The following RPLP1 variants were observed in gnomAD, a reference collection of about 807,000 sequenced individuals.
RPLP1 encodes the protein large ribosomal subunit protein P1.
In RPLP1, 4 loss-of-function variants were observed where a neutral mutation model predicts 11.6. That is an observed-to-expected ratio of 0.34 (90% CI 0.17 to 0.79). The LOEUF (loss-of-function observed/expected upper bound fraction) is 0.79, where lower values mean the gene tolerates loss of function less well. RPLP1 is among the 30% of genes least tolerant of loss of function. The pLI is 0.55. For synonymous variants in RPLP1, 54 were observed against 52.2 expected, an observed-to-expected ratio of 1.03 and a Z score of -0.15; for missense variants, 133 against 142.8, an observed-to-expected ratio of 0.93 and a Z score of 0.35.
Position 69,455,421 on chromosome 15 carries a change from T to G in RPLP1, c.266-7T>G. The G allele has an allele frequency of 1.2e-6, 2 of 1,605,090 alleles. No homozygotes were observed. The highest frequency in any genetic ancestry group is 2.2e-5 in the South Asian group (2 of 88,954). ...ATCCTAACACCTGATTGACTTTTTTTTTCTAGCTGAGGAGAAGAAAGTGGA... is the reference window on the plus strand; with the variant it reads ...ATCCTAACACCTGATTGACTTTTTTGTTCTAGCTGAGGAGAAGAAAGTGGA... On this transcript the variant is annotated splice_polypyrimidine_tract_variant and splice_region_variant and intron_variant, in intron 3 of 3. Coordinates refer to ENST00000260379, the MANE Select transcript of RPLP1 (RefSeq NM_001003.3).
chr15:69,455,699 A>T lies in RPLP1; in HGVS notation c.*192A>T. 1.7e-6 allele frequency: 1 copy of T among 589,190 alleles called. No individual in the cohort carries two copies. Among genetic ancestry groups the T allele is most frequent in the Non-Finnish European group, 3.0e-6 (1 of 334,318 alleles). 36.5% of individuals were successfully genotyped at this position (589,190 alleles called of 1,614,324 possible). ...GATTTAGACAATCCTGATGCTAACA[A>T]GAAGGCACCTCATGGTACAGTGTTG... On this transcript the variant is annotated 3_prime_UTR_variant, in exon 4 of 4. Transcript: ENST00000260379.
rs747215123 is a variant in RPLP1 at position 69,452,839 on chromosome 15, A to T, written c.-110A>T. 2.0e-6 allele frequency: 2 copies of T among 1,014,146 alleles called. No homozygotes were observed. Among genetic ancestry groups the T allele is most frequent in the South Asian group, 1.4e-5 (1 of 72,560 alleles). The allele number at this position is 1,014,146 out of a possible 1,614,324, so 62.8% of individuals were successfully genotyped here. On this transcript the variant is annotated 5_prime_UTR_variant, in exon 1 of 4. Coordinates refer to ENST00000260379, the MANE Select transcript of RPLP1 (RefSeq NM_001003.3). ...AGAGCCCCTTTCCTCAGCTGCCGCC[A>T]AGGTGCTCGGTCCTTCCGAGGAAGC...
chr15:69,453,270 C>T, intron 1 of RPLP1: 1 of 581,848 alleles, frequency 1.7e-6, no homozygotes. Context: ...GCTCCAAGAG[C>T]CTTCGTGTAG....
chr15:69,453,256 T>C (rs1892378928), intron 1 of RPLP1: 1 of 585,070 alleles, frequency 1.7e-6, no homozygotes, highest in South Asian at 2.0e-5. Flanking sequence ...GGCTGGGCGC[T>C]CCGGCTCCAA....
rs1438231757 is a variant in RPLP1 at position 69,455,278 on chromosome 15, G to C, written c.256G>C (p.Ala86Pro). ...PAGGPAPSTAAAPAEEKKVEA... is the reference protein window; with the variant it reads ...PAGGPAPSTAPAPAEEKKVEA... ...AGGAGGTCCTGCCCCCTCCACTGCT[G>C]CTGCTCCAGGTAGGAAACATGGAGT... The change falls in exon 3 of 4, where the codon GCT (alanine) becomes CCT (proline). Residue 86 changes from alanine (A) to proline (P), a missense_variant. Ala to Pro is a conservative substitution (Grantham distance 27). Transcript: ENST00000260379. The C allele has an allele frequency of 1.3e-6, 2 of 1,556,822 alleles. No individual in the cohort carries two copies. The highest frequency in any genetic ancestry group is 4.2e-5 in the Admixed American group (2 of 47,702).
chr15:69,453,039 C>T lies in RPLP1; in HGVS notation c.72+19C>T. 1 of 1,551,122 alleles carries T rather than the reference C, an allele frequency of 6.4e-7. No homozygotes were observed. The highest frequency in any genetic ancestry group is 8.7e-7 in the Non-Finnish European group (1 of 1,148,620). ...AGTCACGGTGAGTGCGGGCGCGGGC[C>T]GGCGGCCGGGCTGCCTGTGGGCGGT... is the stretch of plus-strand genomic sequence containing the variant. On this transcript the variant is annotated intron_variant, in intron 1 of 3. Coordinates refer to ENST00000260379, the MANE Select transcript of RPLP1 (RefSeq NM_001003.3).
At chr15:69,454,250 C>A in intron 2 of RPLP1, 1 of 153,140 alleles carries the variant, frequency 6.5e-6, no homozygotes, top group Non-Finnish European at 1.5e-5. Flanking sequence ...CCAGGATGGT[C>A]TCGATCTCCT....
intron 1 of RPLP1, chr15:69,453,388 G>A: frequency 1.7e-6 from 1 of 586,140 alleles, no homozygotes; most frequent in Non-Finnish European, 3.0e-6. Flanking sequence ...CCCGGTCGTG[G>A]AGGAAGGCGC....
intron 1 of RPLP1, chr15:69,453,380 C>A (rs1892382341): frequency 3.4e-6 from 2 of 581,744 alleles, no homozygotes; most frequent in Admixed American, 6.2e-5. Flanking sequence ...TGAATTCCCC[C>A]GGTCGTGGAG....
Position 69,453,309 on chromosome 15 carries a change from C to T in RPLP1, c.72+289C>T, listed in dbSNP as rs1377377174. The T allele has an allele frequency of 5.2e-6, 3 of 577,670 alleles. No individual in the cohort carries two copies. In the Admixed American group the frequency reaches 9.4e-5, roughly 18 times the overall value. The allele number at this position is 577,670 out of a possible 1,614,324, so 35.8% of individuals were successfully genotyped here. A position where few individuals can be genotyped will look rare whatever the true frequency, so the allele number is the denominator to read the frequency against. ...AGCTCTTCCGCAGTGCTTGGGCACC[C>T]TGACCCGTGCCTCGTCTCTCTCAGG... On this transcript the variant is annotated intron_variant, in intron 1 of 3. Coordinates refer to ENST00000260379, the MANE Select transcript of RPLP1 (RefSeq NM_001003.3).
chr15:69,453,110 G>A (rs1892376106), intron 1 of RPLP1, 90 bp downstream of exon 1: 1 of 1,218,314 alleles, frequency 8.2e-7, no homozygotes, highest in Non-Finnish European at 1.2e-6. Context: ...CCGTTCGACT[G>A]AGCACTTCCG....
Position 69,455,909 on chromosome 15 carries a change from T to A in RPLP1, c.*402T>A, listed in dbSNP as rs1260605163. The A allele has an allele frequency of 1.2e-5, 2 of 162,706 alleles. No individual in the cohort carries two copies. Among genetic ancestry groups the A allele is most frequent in the African/African-American group, 4.8e-5 (2 of 41,770 alleles). The allele number at this position is 162,706 out of a possible 1,614,324, so 10.1% of individuals were successfully genotyped here. A position where few individuals can be genotyped will look rare whatever the true frequency, so the allele number is the denominator to read the frequency against. Reference sequence around the variant, plus strand: ...CTGCCTAAGAACGAACTTTGACGTATGCTGAATGTTGACTGCTACATCCCA... The same window carrying A: ...CTGCCTAAGAACGAACTTTGACGTAAGCTGAATGTTGACTGCTACATCCCA... On this transcript the variant is annotated 3_prime_UTR_variant, in exon 4 of 4. Coordinates refer to ENST00000260379, the MANE Select transcript of RPLP1 (RefSeq NM_001003.3).
At chr15:69,453,216 G>T (rs1015954691) in intron 1 of RPLP1, 196 bp downstream of exon 1, 2 of 602,378 alleles carry the variant, frequency 3.3e-6, no homozygotes, top group Non-Finnish European at 5.8e-6. Context: ...GGGACCACGT[G>T]CGGGCCCAGC....
intron 3 of RPLP1, 60 bp from the exon 4 acceptor site, chr15:69,455,368 A>G (rs992380171): frequency 1.3e-6 from 2 of 1,553,488 alleles, no homozygotes; most frequent in Non-Finnish European, 1.7e-6. Context: ...ATTGCCATTA[A>G]TTTTTCACAA....
chr15:69,453,343 C>T (rs1892381624), intron 1 of RPLP1: 3 of 577,030 alleles, frequency 5.2e-6, no homozygotes, highest in South Asian at 4.2e-5. Context: ...GGGACACTTA[C>T]TCGGACCTCT....
Position 69,456,102 on chromosome 15 carries a change from G to A in RPLP1, c.*595G>A, listed in dbSNP as rs752955410. 3.3e-5 allele frequency: 5 copies of A among 152,106 alleles called. No homozygotes were observed. The highest frequency in any genetic ancestry group is 7.3e-5 in the Non-Finnish European group (5 of 68,038). The allele number at this position is 152,106 out of a possible 1,614,324, so 9.4% of individuals were successfully genotyped here. On this transcript the variant is annotated 3_prime_UTR_variant, in exon 4 of 4. Coordinates refer to ENST00000260379, the MANE Select transcript of RPLP1 (RefSeq NM_001003.3). ...CAAACCTGTGTTCCAAAAACTAAGA[G>A]CTTTTTTTGTTTGCCAATTAATAAT...
At chr15:69,453,342 A>C in intron 1 of RPLP1, 1 of 574,246 alleles carries the variant, frequency 1.7e-6, no homozygotes, top group East Asian at 3.0e-5. Flanking sequence ...AGGGACACTT[A>C]CTCGGACCTC....
chr15:69,455,874 C>G lies in RPLP1; in HGVS notation c.*367C>G. 5.5e-6 allele frequency: 1 copy of G among 181,426 alleles called. No homozygotes were observed. Among genetic ancestry groups the G allele is most frequent in the East Asian group, 1.5e-4 (1 of 6,870 alleles). 11.2% of individuals were successfully genotyped at this position (181,426 alleles called of 1,614,324 possible). On this transcript the variant is annotated 3_prime_UTR_variant, in exon 4 of 4. Transcript: ENST00000260379. ...TTAGAAAGCCTCCTGGGTATTTACC[C>G]TATACAACCCTGCCTAAGAACGAAC...
chr15:69,453,010 T>G lies in RPLP1; in HGVS notation c.62T>G (p.Val21Gly). Residue 21 changes from valine to glycine, a missense_variant, in exon 1 of 4, where the codon GTG (valine) becomes GGG (glycine). By Grantham distance (109) the Val-to-Gly change is moderately radical. Coordinates refer to ENST00000260379, the MANE Select transcript of RPLP1 (RefSeq NM_001003.3). The part of the protein sequence containing the change: ...YSALILHDDE[V>G]TVTEDKINAL... ...GCCCTCATTCTGCACGACGATGAGG[T>G]GACAGTCACGGTGAGTGCGGGCGCG... 6.4e-7 allele frequency: 1 copy of G among 1,572,038 alleles called. No individual in the cohort carries two copies. Among genetic ancestry groups the G allele is most frequent in the Non-Finnish European group, 8.6e-7 (1 of 1,161,150 alleles).
Sources: gnomAD v4.1 joint callset for allele counts on GRCh38, gnomAD v4.1.1 for gene constraint, MANE v1.5 for transcripts, NCBI Gene and HGNC (gene_info 2026-07-23, HGNC 2026-07-21) for gene names.